Variants in ARHGAP10 observed in about 807,000 individuals in gnomAD.
ARHGAP10 encodes Rho GTPase activating protein 10.
A neutral mutation model predicts 108.6 loss-of-function variants in ARHGAP10; 87 were observed. That is an observed-to-expected ratio of 0.80 (90% CI 0.67 to 0.96). The LOEUF (loss-of-function observed/expected upper bound fraction) is 0.96, where lower values mean the gene tolerates loss of function less well. Ranked by LOEUF, ARHGAP10 falls within the 40% of genes least tolerant of loss-of-function variation. ARHGAP10 has a pLI of 0.00. For missense variants in ARHGAP10, 939 were observed against 954.5 expected, an observed-to-expected ratio of 0.98 and a Z score of 0.21; for synonymous variants, 347 against 341.1, an observed-to-expected ratio of 1.02 and a Z score of -0.19.
At chr4:147,776,479 C>T (rs1053001312) in intron 1 of ARHGAP10, among the ~76,000 whole-genome samples, 7 of 152,154 alleles carry the variant, frequency 4.6e-5, no homozygotes, top group African/African-American at 1.4e-4. Context: ...CTTGGCCTCC[C>T]AAAGTGCCAG....
At chr4:147,772,546 C>T (rs1312528936) in intron 1 of ARHGAP10, among the ~76,000 whole-genome samples, 3 of 152,200 alleles carry the variant, frequency 2.0e-5, no homozygotes, top group Non-Finnish European at 2.9e-5. Context: ...TGCCTTGTGG[C>T]GAGTGAACTG....
chr4:148,014,716 G>A (rs1410007804), intron 18 of ARHGAP10, among the ~76,000 whole-genome samples: 1 of 152,166 alleles, frequency 6.6e-6, no homozygotes, highest in Admixed American at 6.5e-5. Flanking sequence ...GGTTGATAAA[G>A]ATTGTCAATA....
intron 16 of ARHGAP10, among the ~76,000 whole-genome samples, chr4:147,962,054 G>A (rs547418833): frequency 6.6e-6 from 1 of 152,160 alleles, no homozygotes; most frequent in Non-Finnish European, 1.5e-5. Flanking sequence ...TTCTAGCCTT[G>A]ATCTCTAAAG....
rs868190543 is a variant in ARHGAP10 at position 147,795,501 on chromosome 4, T to C, written c.155-27226T>C. On this transcript the variant is annotated intron_variant, in intron 1 of 22. Coordinates refer to ENST00000336498, the MANE Select transcript of ARHGAP10 (RefSeq NM_024605.4). The stretch of plus-strand genomic sequence containing the variant: ...GTCTCTGTGGGTCCTTCAGAGGAGA[T>C]ATATTTTTACGAAACATTCTCCGGT... 7.2e-5 allele frequency among the ~76,000 whole-genome samples: 11 copies of C among 152,120 alleles called. 1 individual carries two copies. The South Asian group carries it at 2.3e-3, about 32-fold the overall frequency.
chr4:147,783,302 TTA>T (rs1333538693), intron 1 of ARHGAP10, among the ~76,000 whole-genome samples: 1 of 144,382 alleles, frequency 6.9e-6, no homozygotes, highest in Non-Finnish European at 1.5e-5. Flanking sequence ...ATTGTATAAT[TTA>T]TATAACACAC....
chr4:147,905,238 T>G (rs1736435267), intron 10 of ARHGAP10, among the ~76,000 whole-genome samples: 1 of 151,744 alleles, frequency 6.6e-6, no homozygotes, highest in African/African-American at 2.4e-5. Flanking sequence ...TCAGTTTAAT[T>G]AGATCCCATT....
chr4:147,906,618 A>G lies in ARHGAP10; in HGVS notation c.1035-20A>G, dbSNP rs1284092510. On this transcript the variant is annotated intron_variant, in intron 10 of 22. Coordinates refer to ENST00000336498, the MANE Select transcript of ARHGAP10 (RefSeq NM_024605.4). ...TTTAGTGGCCAAGGGGTAACCTGAT[A>G]TGTTACTGGTGTCTTTCAGGCCTGG... The G allele has an allele frequency of 6.2e-7, 1 of 1,613,894 alleles. No homozygotes were observed. The highest frequency in any genetic ancestry group is 8.5e-7 in the Non-Finnish European group (1 of 1,179,848).
At chr4:147,999,671 T>C (rs1740618735) in intron 18 of ARHGAP10, among the ~76,000 whole-genome samples, 1 of 152,146 alleles carries the variant, frequency 6.6e-6, no homozygotes, top group South Asian at 2.1e-4. Context: ...CGAATAGAGC[T>C]CTAACACTCA....
At chr4:147,903,073 T>C (rs1484267077) in intron 10 of ARHGAP10, among the ~76,000 whole-genome samples, 4 of 152,140 alleles carry the variant, frequency 2.6e-5, no homozygotes, top group Non-Finnish European at 5.9e-5. Context: ...TTGTAAATGC[T>C]ACATGAGATT....
chr4:147,769,710 TTGAGA>T (rs1289260782), intron 1 of ARHGAP10, among the ~76,000 whole-genome samples: 1 of 152,202 alleles, frequency 6.6e-6, no homozygotes, highest in Admixed American at 6.5e-5. Flanking sequence ...GGGCATCTGT[TTGAGA>T]TATTTTTTTC....
intron 1 of ARHGAP10, among the ~76,000 whole-genome samples, chr4:147,735,266 T>A (rs1728370924): frequency 6.6e-6 from 1 of 152,248 alleles, no homozygotes; most frequent in Admixed American, 6.5e-5. Context: ...TTGAACTCCT[T>A]CCTGCACTGT....
At chr4:148,001,588 A>C (rs557249160) in intron 18 of ARHGAP10, among the ~76,000 whole-genome samples, 3 of 151,338 alleles carry the variant, frequency 2.0e-5, no homozygotes, top group East Asian at 1.9e-4. Flanking sequence ...CTTTTATTTC[A>C]TTGAGCAGTG....
intron 18 of ARHGAP10, among the ~76,000 whole-genome samples, chr4:148,011,175 C>T (rs962431159): frequency 1.3e-5 from 2 of 152,166 alleles, no homozygotes; most frequent in African/African-American, 4.8e-5. Context: ...TGAAATTGAT[C>T]CCTTGGTTGG....
intron 13 of ARHGAP10, 101 bp downstream of exon 13, chr4:147,913,240 G>A (rs975239249): frequency 2.0e-5 from 20 of 1,010,028 alleles, no homozygotes; most frequent in South Asian, 4.2e-5. Flanking sequence ...AGAATGAAAC[G>A]TGTTAACACA....
intron 4 of ARHGAP10, among the ~76,000 whole-genome samples, chr4:147,856,263 G>A (rs868801492): frequency 4.6e-5 from 7 of 152,316 alleles, no homozygotes; most frequent in Middle Eastern, 6.8e-3. Flanking sequence ...ATTCTAGACA[G>A]TACCTAAGAA....
intron 7 of ARHGAP10, among the ~76,000 whole-genome samples, chr4:147,869,872 C>T (rs1734730435): frequency 6.6e-6 from 1 of 152,004 alleles, no homozygotes; most frequent in Admixed American, 6.6e-5. Context: ...ATCTGCTATA[C>T]CTCAGTGATG....
rs750487574 is a variant in ARHGAP10 at position 148,064,398 on chromosome 4, T to G, written c.2181-18T>G. 1 of 1,611,188 alleles carries G rather than the reference T, an allele frequency of 6.2e-7. No individual in the cohort carries two copies. The highest frequency in any genetic ancestry group is 8.5e-7 in the Non-Finnish European group (1 of 1,178,260). On this transcript the variant is annotated intron_variant, in intron 21 of 22. Coordinates refer to ENST00000336498, the MANE Select transcript of ARHGAP10 (RefSeq NM_024605.4). ...TCCACATTTTCATTGGTGTCTTTTG[T>G]ATTCTCTTTCTTTTCAGCATCCGCA...
chr4:148,010,155 A>G (rs1318363932), intron 18 of ARHGAP10, among the ~76,000 whole-genome samples: 3 of 152,112 alleles, frequency 2.0e-5, no homozygotes, highest in African/African-American at 4.8e-5. Flanking sequence ...TGCCCTATGA[A>G]TGAAGTAGGT....
chr4:147,982,161 CT>C (rs1198496572), intron 18 of ARHGAP10, among the ~76,000 whole-genome samples: 5 of 152,184 alleles, frequency 3.3e-5, no homozygotes, highest in Non-Finnish European at 7.3e-5. Flanking sequence ...CCTCAGCCCC[CT>C]GTCTCTTCTG....
Sources: gnomAD v4.1 joint callset for allele counts (sites outside exome capture counted in the v4.1 genomes callset) on GRCh38, gnomAD v4.1.1 for gene constraint, MANE v1.5 for transcripts, NCBI Gene and HGNC (gene_info 2026-07-23, HGNC 2026-07-21) for gene names.